The following KHDRBS2 variants were observed in gnomAD, a reference collection of about 807,000 sequenced individuals.
KHDRBS2 encodes KH domain-containing, RNA-binding, signal transduction-associated protein 2.
A neutral mutation model predicts 44.3 loss-of-function variants in KHDRBS2; 26 were observed. The ratio of observed to expected loss-of-function variants is 0.59; its 90% confidence interval spans 0.43 to 0.81. The LOEUF (loss-of-function observed/expected upper bound fraction) is 0.81, where lower values mean the gene tolerates loss of function less well. KHDRBS2 is among the 40% of genes least tolerant of loss of function. The pLI is 0.00. For missense variants in KHDRBS2, 476 were observed against 433.1 expected (o/e 1.10, Z -0.88); for synonymous variants, 194 against 151.1 (o/e 1.28, Z -2.08).
rs1455664954 is a variant in KHDRBS2, at chr6:61,848,535, ATATATG to A, written c.810+46094_810+46099del. Among the ~76,000 whole-genome samples, 117 of 57,652 alleles carry A rather than the reference ATATATG, an allele frequency of 2.0e-3. 5 individuals carry two copies. Among genetic ancestry groups the A allele is most frequent in the African/African-American group, 0.011 (107 of 9,452 alleles). 37.8% of individuals were successfully genotyped at this position (57,652 alleles called of 152,430 possible). A position where few individuals can be genotyped will look rare whatever the true frequency, so the allele number is the denominator to read the frequency against. On this transcript the variant is annotated intron_variant, in intron 6 of 8. Transcript: ENST00000281156. ...TGTATATATGTATATATATATACAT[ATATATG>A]TATATATATACATATATATATGTAT...
At chr6:61,987,470 A>G (rs778314085) in intron 3 of KHDRBS2, among the ~76,000 whole-genome samples, 10 of 152,156 alleles carry the variant, frequency 6.6e-5, no homozygotes, top group Admixed American at 1.3e-4. Context: ...TCAGAGTTAT[A>G]ATTTACTAAA....
intron 2 of KHDRBS2, among the ~76,000 whole-genome samples, chr6:62,169,159 G>GTATACATA (rs1491102372): frequency 2.0e-5 from 1 of 50,240 alleles, no homozygotes; most frequent in East Asian, 5.3e-4. Context: ...GTATATATAC[G>GTATACATA]TACACATATA....
chr6:62,116,877 T>C (rs1806360131), intron 2 of KHDRBS2, among the ~76,000 whole-genome samples: 1 of 152,184 alleles, frequency 6.6e-6, no homozygotes, highest in African/African-American at 2.4e-5. Flanking sequence ...AGTCTTTCCA[T>C]GCCTGGCTTT....
chr6:61,545,776 T>C, the KHDRBS2 span, among the ~76,000 whole-genome samples: 3 of 151,878 alleles, frequency 2.0e-5, no homozygotes, highest in East Asian at 5.8e-4. Flanking sequence ...TAAGGTTAAG[T>C]GAGATCATAA....
At position 61,700,502 on chromosome 6, in the gene KHDRBS2, A is replaced by G. The variant is rs371104980; in HGVS notation, c.894-3249T>C. Among the ~76,000 whole-genome samples, 4 of 151,286 alleles carry G rather than the reference A, an allele frequency of 2.6e-5. No homozygotes were observed. In the East Asian group the frequency reaches 7.8e-4, roughly 29 times the overall value. Reference sequence around the variant, plus strand: ...CAAAATGGACTCTGCCACAGTCTATACCTTAGATTATTAAAATATAACTTC... The same window carrying G: ...CAAAATGGACTCTGCCACAGTCTATGCCTTAGATTATTAAAATATAACTTC... On this transcript the variant is annotated intron_variant, in intron 7 of 8. Coordinates refer to ENST00000281156, the MANE Select transcript of KHDRBS2 (RefSeq NM_152688.4).
At chr6:61,950,573 A>G (rs1764538634) in intron 4 of KHDRBS2, among the ~76,000 whole-genome samples, 1 of 151,914 alleles carries the variant, frequency 6.6e-6, no homozygotes, top group African/African-American at 2.4e-5. Context: ...TTTCCATGTA[A>G]TTCTCTTATC....
chr6:61,569,908 A>T, the KHDRBS2 span, among the ~76,000 whole-genome samples: 1,923 of 152,264 alleles, frequency 0.013, 43 homozygotes, highest in African/African-American at 0.045. Flanking sequence ...ACCCCATGAG[A>T]CAAAAGAATA....
intron 2 of KHDRBS2, among the ~76,000 whole-genome samples, chr6:62,063,280 G>A (rs1319833055): frequency 6.7e-6 from 1 of 149,680 alleles, no homozygotes; most frequent in Non-Finnish European, 1.5e-5. Flanking sequence ...CTCATTTTAT[G>A]AGGCCAGCAT....
chr6:61,717,751 C>T (rs1306907119), intron 7 of KHDRBS2, among the ~76,000 whole-genome samples: 1 of 152,048 alleles, frequency 6.6e-6, no homozygotes, highest in Non-Finnish European at 1.5e-5. Flanking sequence ...AACATATAGC[C>T]TAAAAACAGT....
chr6:61,948,719 C>T (rs1764127783), intron 4 of KHDRBS2, among the ~76,000 whole-genome samples: 1 of 149,316 alleles, frequency 6.7e-6, no homozygotes, highest in African/African-American at 2.5e-5. Context: ...TGCTATATTG[C>T]CCAGGCTGGT....
intron 2 of KHDRBS2, among the ~76,000 whole-genome samples, chr6:62,053,120 T>A (rs1789451385): frequency 6.6e-6 from 1 of 151,918 alleles, no homozygotes; most frequent in Admixed American, 6.6e-5. Context: ...ATATATACAA[T>A]AAAATGTATT....
At chr6:62,220,217 C>T (rs908094029) in intron 1 of KHDRBS2, among the ~76,000 whole-genome samples, 2 of 151,582 alleles carry the variant, frequency 1.3e-5, no homozygotes, top group African/African-American at 2.4e-5. Flanking sequence ...GAACTAAAGA[C>T]CAATTCAGTC....
At chr6:61,845,528 C>G (rs1583129255) in intron 6 of KHDRBS2, among the ~76,000 whole-genome samples, 1 of 152,162 alleles carries the variant, frequency 6.6e-6, no homozygotes, top group Middle Eastern at 3.2e-3. Context: ...CCAGGATGGT[C>G]TCGATCTCTT....
intron 1 of KHDRBS2, among the ~76,000 whole-genome samples, chr6:62,193,702 G>A (rs1285788917): frequency 6.6e-6 from 1 of 152,052 alleles, no homozygotes; most frequent in Admixed American, 6.6e-5. Flanking sequence ...CATCAGCAAT[G>A]TATGAGGATT....
At chr6:61,983,492 G>A (rs1774406801) in intron 3 of KHDRBS2, among the ~76,000 whole-genome samples, 1 of 151,946 alleles carries the variant, frequency 6.6e-6, no homozygotes, top group Admixed American at 6.6e-5. Flanking sequence ...GTCACTTCTG[G>A]ATGGGCTTAG....
At chr6:61,934,913 T>C (rs1399615265) in intron 4 of KHDRBS2, among the ~76,000 whole-genome samples, 1 of 152,178 alleles carries the variant, frequency 6.6e-6, no homozygotes, top group Non-Finnish European at 1.5e-5. Flanking sequence ...ACTGGAGTGA[T>C]CTCAAGAGCT....
chr6:62,066,760 G>A (rs1793825967), intron 2 of KHDRBS2, among the ~76,000 whole-genome samples: 1 of 151,474 alleles, frequency 6.6e-6, no homozygotes, highest in Non-Finnish European at 1.5e-5. Context: ...ATAATCTTTG[G>A]CTCTATGTAA....
intron 6 of KHDRBS2, among the ~76,000 whole-genome samples, chr6:61,780,052 G>A (rs1275351706): frequency 1.3e-5 from 2 of 151,974 alleles, no homozygotes; most frequent in African/African-American, 2.4e-5. Flanking sequence ...TGAAGTACAC[G>A]GTGTACCCTC....
chr6:61,584,188 A>G, the KHDRBS2 span, among the ~76,000 whole-genome samples: 28 of 151,912 alleles, frequency 1.8e-4, 1 homozygote, highest in South Asian at 1.4e-3. Flanking sequence ...TTCTTTTCCA[A>G]TCTGCATGTC....
Sources: allele counts gnomAD v4.1 joint callset (sites outside exome capture counted in the v4.1 genomes callset), GRCh38; gene constraint gnomAD v4.1.1; transcripts MANE v1.5; gene names NCBI Gene and HGNC (gene_info 2026-07-23, HGNC 2026-07-21).